The following PNPLA4 variants were observed in gnomAD, a reference collection of about 807,000 sequenced individuals.
The protein encoded by PNPLA4 is patatin like domain 4, phospholipase and triacylglycerol lipase.
In PNPLA4, 15 loss-of-function variants were observed where a neutral mutation model predicts 18.3. The observed-to-expected ratio is 0.82, with a 90% CI of 0.55 to 1.26. PNPLA4 has a LOEUF of 1.26. Among genes scored for constraint, PNPLA4 ranks in the 50% most tolerant of loss-of-function variants. PNPLA4 has a pLI of 0.00. For missense variants in PNPLA4, 229 were observed against 196.8 expected, an observed-to-expected ratio of 1.16 and a Z score of -0.98; for synonymous variants, 88 against 85.6, an observed-to-expected ratio of 1.03 and a Z score of -0.16.
chrX:7,913,651 A>G (rs1923945940), intron 4 of PNPLA4, among the ~76,000 whole-genome samples: 1 of 112,773 alleles, frequency 8.9e-6, no homozygotes, highest in Non-Finnish European at 1.9e-5. Context: ...GGTCCTGTCC[A>G]AAATAAGATA....
At chrX:7,908,737 T>C (rs1923785634) in intron 5 of PNPLA4, among the ~76,000 whole-genome samples, 2 of 112,083 alleles carry the variant, frequency 1.8e-5, no homozygotes, top group Admixed American at 1.9e-4. Context: ...GACATAAGGT[T>C]CAACTCTACA....
At chrX:7,923,477 C>T (rs2146768824) in intron 2 of PNPLA4, among the ~76,000 whole-genome samples, 1 of 111,889 alleles carries the variant, frequency 8.9e-6, no homozygotes, top group South Asian at 3.8e-4. Flanking sequence ...CCCTTTTAGA[C>T]TTAAGACCGC....
At position 7,922,065 on chromosome X, in the gene PNPLA4, C is replaced by T; in HGVS notation, c.214G>A (p.Glu72Lys). Residue 72 changes from glutamate to lysine, a missense_variant, in exon 3 of 7, where the codon GAA (glutamate) becomes AAA (lysine). Transcript: ENST00000381042. The part of the protein sequence containing the change: ...CNQFTYKFAE[E>K]IRRQSFGAVT... ...GCCCCGAAAGACTGCCTTCTGATTT[C>T]TTCGGCAAACTTGTAGGTAAATTGG... 1 of 1,206,695 alleles carries T rather than the reference C, an allele frequency of 8.3e-7. No homozygotes were observed. Among genetic ancestry groups the T allele is most frequent in the Non-Finnish European group, 1.1e-6 (1 of 891,501 alleles).
intron 5 of PNPLA4, among the ~76,000 whole-genome samples, chrX:7,910,331 C>T (rs1197432194): frequency 3.6e-5 from 4 of 111,132 alleles, no homozygotes; most frequent in African/African-American, 6.5e-5. Flanking sequence ...TCCTATTAGC[C>T]AAAGGGTTTG....
At chrX:7,922,140 G>T in intron 2 of PNPLA4, 42 bp from the exon 3 acceptor site, 3 of 931,980 alleles carry the variant, frequency 3.2e-6, no homozygotes, top group Non-Finnish European at 4.6e-6. Flanking sequence ...GTGTTGTAAA[G>T]AAAACAATCA....
At chrX:7,918,666 G>T (rs1924119992) in intron 4 of PNPLA4, among the ~76,000 whole-genome samples, 1 of 111,082 alleles carries the variant, frequency 9.0e-6, no homozygotes, top group African/African-American at 3.3e-5. Flanking sequence ...CCACCTAAGG[G>T]GAGTGGGGTG....
intron 6 of PNPLA4, among the ~76,000 whole-genome samples, chrX:7,901,298 T>TG (rs1274778986): frequency 3.7e-4 from 42 of 112,368 alleles, no homozygotes; most frequent in Non-Finnish European, 7.5e-4. Context: ...AAAATTGCTC[T>TG]GGGCCAGGCG....
chrX:7,912,067 G>T lies in PNPLA4; in HGVS notation c.438C>A (p.Pro146=), dbSNP rs1367874380. 8.3e-7 allele frequency: 1 copy of T among 1,205,857 alleles called. No homozygotes were observed. The highest frequency in any genetic ancestry group is 1.1e-6 in the Non-Finnish European group (1 of 891,018). The change falls in exon 5 of 7, where the codon CCC becomes CCA. Residue 146 remains proline (P), a synonymous_variant. Coordinates refer to ENST00000381042, the MANE Select transcript of PNPLA4 (RefSeq NM_004650.3). ...CCACTAGCTTCAGTCCTGCATAAAT[G>T]GGCACAAAACTGCTGGCTAGGAGGA... is the stretch of plus-strand genomic sequence containing the variant. ...IKVLLASSFV[P]IYAGLKLVEY...
At chrX:7,926,798 G>C (rs1352305185) in intron 1 of PNPLA4, among the ~76,000 whole-genome samples, 1 of 112,272 alleles carries the variant, frequency 8.9e-6, no homozygotes, top group Non-Finnish European at 1.9e-5. Flanking sequence ...TTTATACTTG[G>C]AACACATCTA....
At chrX:7,915,971 G>C (rs984831871) in intron 4 of PNPLA4, among the ~76,000 whole-genome samples, 9 of 112,044 alleles carry the variant, frequency 8.0e-5, no homozygotes, top group Admixed American at 1.9e-4. Flanking sequence ...CACTGCAACA[G>C]AGACAGGGCA....
intron 2 of PNPLA4, among the ~76,000 whole-genome samples, chrX:7,924,172 T>C (rs1455382845): frequency 3.6e-5 from 4 of 112,053 alleles, no homozygotes; most frequent in African/African-American, 1.3e-4. Flanking sequence ...GAGGAAAGTC[T>C]TGCAGCATTG....
chrX:7,923,453 T>G (rs1166709632), intron 2 of PNPLA4, among the ~76,000 whole-genome samples: 1 of 111,899 alleles, frequency 8.9e-6, no homozygotes, highest in Non-Finnish European at 1.9e-5. Context: ...CATTTTGATT[T>G]TAGCTCAGTG....
chrX:7,911,810 T>C lies in PNPLA4; in HGVS notation c.477+218A>G, dbSNP rs182147526. The stretch of plus-strand genomic sequence containing the variant: ...ACAGAATATATATATATGATGAAAA[T>C]AAGAGCATCACAGTCAATCATTCCC... On this transcript the variant is annotated intron_variant, in intron 5 of 6. Transcript: ENST00000381042. 2.2e-4 allele frequency among the ~76,000 whole-genome samples: 24 copies of C among 110,902 alleles called. No individual in the cohort carries two copies. In the East Asian group the frequency reaches 5.7e-3, roughly 26 times the overall value.
chrX:7,914,448 T>C (rs1217575652), intron 4 of PNPLA4, among the ~76,000 whole-genome samples: 1 of 111,862 alleles, frequency 8.9e-6, no homozygotes, highest in African/African-American at 3.3e-5. Context: ...GGTAACTGCA[T>C]TCACCCTAAC....
At chrX:7,906,733 C>T (rs1324004435) in intron 5 of PNPLA4, among the ~76,000 whole-genome samples, 6 of 111,928 alleles carry the variant, frequency 5.4e-5, no homozygotes, top group East Asian at 2.8e-4. Flanking sequence ...GTCTAAGCCA[C>T]GAGGAAATAG....
At chrX:7,910,192 A>G (rs2146756787) in intron 5 of PNPLA4, among the ~76,000 whole-genome samples, 1 of 112,176 alleles carries the variant, frequency 8.9e-6, no homozygotes, top group South Asian at 3.7e-4. Flanking sequence ...CAAAACATAC[A>G]TTCTCCATAT....
At chrX:7,916,524 G>C (rs1924051680) in intron 4 of PNPLA4, among the ~76,000 whole-genome samples, 1 of 111,118 alleles carries the variant, frequency 9.0e-6, no homozygotes, top group Non-Finnish European at 1.9e-5. Flanking sequence ...GTGTACTTAA[G>C]AGCTGATGAA....
At chrX:7,915,637 G>A (rs759816457) in intron 4 of PNPLA4, among the ~76,000 whole-genome samples, 36 of 111,822 alleles carry the variant, frequency 3.2e-4, no homozygotes, top group African/African-American at 9.4e-4. Context: ...GCGCATTCCC[G>A]ACACGTTCTG....
chrX:7,904,406 T>C (rs1199627766), intron 5 of PNPLA4, among the ~76,000 whole-genome samples: 3 of 112,151 alleles, frequency 2.7e-5, no homozygotes, highest in African/African-American at 9.7e-5. Flanking sequence ...AGGGAAAATG[T>C]ATAGCAGCTT....
Sources: gnomAD v4.1 joint callset for allele counts (sites outside exome capture counted in the v4.1 genomes callset) on GRCh38, gnomAD v4.1.1 for gene constraint, MANE v1.5 for transcripts, NCBI Gene and HGNC (gene_info 2026-07-23, HGNC 2026-07-21) for gene names.